Variants in PRCD observed in about 807,000 individuals in gnomAD.
PRCD encodes photoreceptor disc component, also known as photoreceptor disk component PRCD.
In PRCD, 12 loss-of-function variants were observed where a neutral mutation model predicts 10.1. The ratio of observed to expected loss-of-function variants is 1.18; its 90% CI spans 0.76 to 1.92. PRCD has a LOEUF of 1.92. Among genes scored for constraint, PRCD ranks in the 40% most tolerant of loss-of-function variants. The pLI is 0.00. For synonymous variants in PRCD, 31 were observed against 26.2 expected (o/e 1.18, Z -0.56); for missense variants, 61 against 72.2 (o/e 0.84, Z 0.56).
At chr17:76,534,176 C>CTCTCTT (rs1555623595) in intron 1 of PRCD, among the ~76,000 whole-genome samples, 5 of 126,038 alleles carry the variant, frequency 4.0e-5, no homozygotes, top group African/African-American at 6.5e-5. Flanking sequence ...CTCTCTCTCT[C>CTCTCTT]TTTCTTTCTT....
chr17:76,538,159 G>GAGGCCGACCGCC (rs1283830589), upstream of PRCD: 1 of 158,934 alleles, frequency 6.3e-6, no homozygotes, highest in Admixed American at 6.5e-5. Context: ...CTTTCGCGGC[G>GAGGCCGACCGCC]AGGCCGACCG....
chr17:76,538,882 C>G (rs1011501263), upstream of PRCD, among the ~76,000 whole-genome samples: 2 of 152,372 alleles, frequency 1.3e-5, no homozygotes, highest in Non-Finnish European at 2.9e-5. Flanking sequence ...TGTCCCATTG[C>G]CCAAGCATTG....
At chr17:76,553,036 A>G (rs555343411) in intron 1 of PRCD, 1 of 151,690 alleles carries the variant, frequency 6.6e-6, no homozygotes, top group African/African-American at 2.4e-5. Flanking sequence ...GGGTGTTGGG[A>G]CTGGCGGTTT....
At position 76,543,134 on chromosome 17, in the gene PRCD, C is replaced by T. The variant is rs2075011981; in HGVS notation, c.*152+13C>T. The T allele has an allele frequency of 2.1e-6, 1 of 470,124 alleles. No individual in the cohort carries two copies. Among genetic ancestry groups the T allele is most frequent in the Non-Finnish European group, 4.4e-6 (1 of 226,526 alleles). The allele number at this position is 470,124 out of a possible 1,614,324, so 29.1% of individuals were successfully genotyped here. The stretch of plus-strand genomic sequence containing the variant: ...AGCACTAGAGAAGGTAGACGCCTCC[C>T]TCTCAGCCCGGGACCTGCCAGTCTC... On this transcript the variant is annotated intron_variant, in intron 4 of 4. Transcript: ENST00000592014.
At chr17:76,548,557 G>C (rs757471767), downstream of PRCD, among the ~76,000 whole-genome samples, 1 of 152,196 alleles carries the variant, frequency 6.6e-6, no homozygotes, top group Non-Finnish European at 1.5e-5. Flanking sequence ...GTGACCTTTA[G>C]TTCTCTGGAC....
chr17:76,549,017 C>A (rs1018047448), downstream of PRCD, among the ~76,000 whole-genome samples: 1 of 152,178 alleles, frequency 6.6e-6, no homozygotes, highest in African/African-American at 2.4e-5. Flanking sequence ...TAAGGATATA[C>A]ACACAGATCA....
chr17:76,538,641 G>C (rs548807475), upstream of PRCD: 48 of 357,152 alleles, frequency 1.3e-4, no homozygotes, highest in African/African-American at 1.0e-3. Flanking sequence ...GGACATCTCA[G>C]CCGCCACCAA....
intron 1 of PRCD, among the ~76,000 whole-genome samples, chr17:76,532,312 T>C (rs945656417): frequency 2.0e-5 from 3 of 152,142 alleles, no homozygotes; most frequent in African/African-American, 7.2e-5. Flanking sequence ...GTTCCTCGGG[T>C]GAGCCACATT....
intron 1 of PRCD, chr17:76,529,918 G>A (rs752280461): frequency 1.0e-6 from 1 of 985,342 alleles, no homozygotes; most frequent in Non-Finnish European, 1.2e-6. Flanking sequence ...GGAGAGGGGG[G>A]AGGGGAGCAG....
At chr17:76,535,433 C>G (rs2074903902), upstream of PRCD, among the ~76,000 whole-genome samples, 1 of 152,188 alleles carries the variant, frequency 6.6e-6, no homozygotes, top group Non-Finnish European at 1.5e-5. Flanking sequence ...TTCCCCTTCC[C>G]CCACTGACCA....
chr17:76,528,965 G>A lies in PRCD; in HGVS notation n.45+1132G>A, dbSNP rs528734522. 9.0e-4 allele frequency: 944 copies of A among 1,045,766 alleles called. 2 individuals are homozygous for A. The highest frequency in any genetic ancestry group is 1.0e-3 in the Non-Finnish European group (889 of 869,848). The allele number at this position is 1,045,766 out of a possible 1,614,324, so 64.8% of individuals were successfully genotyped here. On this transcript the variant is annotated intron_variant and non_coding_transcript_variant, in intron 1 of 4. Transcript: ENST00000397633. The surrounding 1 kb of genome is among the most constrained non-coding windows in gnomAD (Gnocchi z 5.8). ...TTCTGAAACGTGGCGCATTCTGTCC[G>A]GCCTGTCTCGTCCCTCCTCGGGCCA... is the stretch of plus-strand genomic sequence containing the variant.
Position 76,531,630 on chromosome 17 carries a change from G to C in PRCD, n.45+3797G>C. 6.2e-7 allele frequency: 1 copy of C among 1,612,778 alleles called. No individual in the cohort carries two copies. Among genetic ancestry groups the C allele is most frequent in the African/African-American group, 1.3e-5 (1 of 75,034 alleles). ...TGGGGGCTCCGCTCCATCTCCAGGG[G>C]ATCCTCCATGTGCTTGAACTGGCTG... On this transcript the variant is annotated intron_variant and non_coding_transcript_variant, in intron 1 of 4. Transcript: ENST00000397633. This position sits in a 1 kb window ranked among gnomAD's most constrained non-coding sequence, Gnocchi z 7.4.
Position 76,531,760 on chromosome 17 carries a change from A to G in PRCD, n.45+3927A>G. The G allele has an allele frequency of 7.4e-7, 1 of 1,354,602 alleles. No individual in the cohort carries two copies. Among genetic ancestry groups the G allele is most frequent in the East Asian group, 2.4e-5 (1 of 41,892 alleles). The allele number at this position is 1,354,602 out of a possible 1,614,324, so 83.9% of individuals were successfully genotyped here. On this transcript the variant is annotated intron_variant and non_coding_transcript_variant, in intron 1 of 4. Transcript: ENST00000397633. This position sits in a 1 kb window ranked among gnomAD's most constrained non-coding sequence, Gnocchi z 7.4. ...TCGGGCCCACCCTGAAGCTTCCAGG[A>G]TAGTGGGGGCTGAAGAAGTGGACCG...
chr17:76,531,564 T>C lies in PRCD; in HGVS notation n.45+3731T>C. ...GGGTCATGCAGGTTCTCCACGACAG[T>C]GTTGAGGGCCCCCATGACTCGGCAG... On this transcript the variant is annotated intron_variant and non_coding_transcript_variant, in intron 1 of 4. Coordinates refer to the PRCD transcript ENST00000397633. The surrounding 1 kb of genome is among the most constrained non-coding windows in gnomAD (Gnocchi z 7.4). 1 of 1,614,074 alleles carries C rather than the reference T, an allele frequency of 6.2e-7. No homozygotes were observed.
chr17:76,547,662 CAT>C (rs1257447153), downstream of PRCD, among the ~76,000 whole-genome samples: 2 of 133,778 alleles, frequency 1.5e-5, no homozygotes, highest in African/African-American at 2.7e-5. Flanking sequence ...CACACACACA[CAT>C]ATTCACACAC....
In PRCD at chr17:76,545,315, T is replaced by TG; in HGVS notation, c.*1666dup. ...CTGGCTCCCATCACAGGGCTTAGTG[T>TG]GAAGCTCAGGGCAAGGGTGGACCTT... is the stretch of plus-strand genomic sequence containing the variant. On this transcript the variant is annotated 3_prime_UTR_variant, in exon 5 of 5. Coordinates refer to ENST00000592014, the MANE Select transcript of PRCD (RefSeq NM_001077620.3). 2 of 456,714 alleles carry TG rather than the reference T, an allele frequency of 4.4e-6. No individual in the cohort carries two copies. Among genetic ancestry groups the TG allele is most frequent in the South Asian group, 3.1e-5 (2 of 64,568 alleles). 28.3% of individuals were successfully genotyped at this position (456,714 alleles called of 1,614,324 possible).
intron 1 of PRCD, chr17:76,529,075 C>G (rs1294319508): frequency 2.2e-5 from 10 of 448,354 alleles, no homozygotes; most frequent in Non-Finnish European, 2.6e-5. Flanking sequence ...CACGCAAAGG[C>G]GCACACCCTG....
In PRCD at chr17:76,543,755, C is replaced by T. The variant is rs770292512; in HGVS notation, c.*153-48C>T. On this transcript the variant is annotated intron_variant, in intron 4 of 4. Transcript: ENST00000592014. The stretch of plus-strand genomic sequence containing the variant: ...CACTTGTGGTCCGAGGTGCTGGTGT[C>T]GGTTTGCCACAGTGGCACTCGCTTT... 6 of 469,792 alleles carry T rather than the reference C, an allele frequency of 1.3e-5. No homozygotes were observed. In the East Asian group the frequency reaches 2.1e-4, roughly 16 times the overall value. 29.1% of individuals were successfully genotyped at this position (469,792 alleles called of 1,614,324 possible).
Position 76,540,295 on chromosome 17 carries a change from G to T in PRCD, c.74+80G>T. 6.9e-7 allele frequency: 1 copy of T among 1,457,788 alleles called. No homozygotes were observed. The highest frequency in any genetic ancestry group is 9.4e-7 in the Non-Finnish European group (1 of 1,063,886). 90.3% of individuals were successfully genotyped at this position (1,457,788 alleles called of 1,614,324 possible). A position where few individuals can be genotyped will look rare whatever the true frequency, so the allele number is the denominator to read the frequency against. On this transcript the variant is annotated intron_variant, in intron 1 of 4. Transcript: ENST00000592014. This position sits in a 1 kb window ranked among gnomAD's most constrained non-coding sequence, Gnocchi z 5.0. ...GCTGGGCTGCCACCAAGCTGAAGGTGGGCAGGGGCTGCGTGAACCTTCAGC... is the reference window on the plus strand; with the variant it reads ...GCTGGGCTGCCACCAAGCTGAAGGTTGGCAGGGGCTGCGTGAACCTTCAGC...
Sources: allele counts gnomAD v4.1 joint callset (sites outside exome capture counted in the v4.1 genomes callset), GRCh38; gene constraint gnomAD v4.1.1; non-coding constraint Gnocchi (gnomAD v3.1); transcripts MANE v1.5; gene names NCBI Gene and HGNC (gene_info 2026-07-23, HGNC 2026-07-21).